Variants in ZNF334 observed in about 807,000 individuals in gnomAD.
The protein encoded by ZNF334 is zinc finger protein 334.
In ZNF334, 14 loss-of-function variants were observed where a neutral mutation model predicts 12.4. The observed-to-expected ratio is 1.13, with a 90% CI of 0.74 to 1.76. The LOEUF is 1.76. ZNF334 is among the 40% of genes most tolerant of loss of function. ZNF334 has a pLI of 0.00. For missense variants in ZNF334, 797 were observed against 804.5 expected, an observed-to-expected ratio of 0.99 and a Z score of 0.11; for synonymous variants, 273 against 269.6, an observed-to-expected ratio of 1.01 and a Z score of -0.12.
At chr20:46,503,234 C>CA in intron 4 of ZNF334, 137 bp from the exon 5 acceptor site, 1 of 1,032,014 alleles carries the variant, frequency 9.7e-7, no homozygotes, top group Non-Finnish European at 1.3e-6. Context: ...ATTTCAAGTG[C>CA]AAATATCTCT....
chr20:46,463,578 C>T, the ZNF334 span: 8 of 164,142 alleles, frequency 4.9e-5, no homozygotes, highest in East Asian at 1.6e-4. Flanking sequence ...TCAAAATGAG[C>T]GTGCAAAGTC....
chr20:46,510,154 T>G (rs1026594183), intron 2 of ZNF334, among the ~76,000 whole-genome samples: 4 of 152,226 alleles, frequency 2.6e-5, no homozygotes, highest in Non-Finnish European at 5.9e-5. Context: ...ACTTGTATTC[T>G]GCAAGTGGCG....
rs1446518911 is a variant in ZNF334 at position 46,501,995 on chromosome 20, G to A, written c.1344C>T (p.Leu448=). The part of the protein sequence containing the change: ...CGKFLCTKSA[L]IAHQITHRGK... ...CTCTATGAGTTATCTGATGTGCAAT[G>A]AGGGCTGATTTCGTACATAAAAATT... Residue 448 remains leucine (L), a synonymous_variant, in exon 5 of 5, where the codon CTC becomes CTT. Coordinates refer to ENST00000692313, the MANE Select transcript of ZNF334 (RefSeq NM_001353824.2). The A allele has an allele frequency of 1.2e-6, 2 of 1,613,994 alleles. No homozygotes were observed. Among genetic ancestry groups the A allele is most frequent in the East Asian group, 2.2e-5 (1 of 44,888 alleles).
At chr20:46,495,804 T>TTCTA (rs1258008894), downstream of ZNF334, among the ~76,000 whole-genome samples, 4 of 152,266 alleles carry the variant, frequency 2.6e-5, no homozygotes, top group East Asian at 7.7e-4. Flanking sequence ...TCTCCCGACC[T>TTCTA]TCATAAGTCT....
chr20:46,506,417 G>C, intron 2 of ZNF334: 1 of 481,290 alleles, frequency 2.1e-6, no homozygotes, highest in Non-Finnish European at 3.7e-6. Context: ...CTGGAGCTCA[G>C]AAGCTCAAGA....
At chr20:46,494,254 G>C in the ZNF334 span, among the ~76,000 whole-genome samples, 10 of 152,314 alleles carry the variant, frequency 6.6e-5, no homozygotes, top group Middle Eastern at 6.8e-3. Flanking sequence ...GTTTAGCCAA[G>C]TGGGATGGGC....
At chr20:46,507,454 T>G (rs1400607854) in intron 2 of ZNF334, among the ~76,000 whole-genome samples, 6 of 152,200 alleles carry the variant, frequency 3.9e-5, no homozygotes, top group Non-Finnish European at 8.8e-5. Context: ...ATAAGCAGAA[T>G]TTGAATACGA....
chr20:46,508,407 C>G (rs2061515214), intron 2 of ZNF334, among the ~76,000 whole-genome samples: 1 of 152,192 alleles, frequency 6.6e-6, no homozygotes, highest in African/African-American at 2.4e-5. Context: ...AACACATAGT[C>G]TGTGGACAAA....
the ZNF334 span, among the ~76,000 whole-genome samples, chr20:46,488,419 TTATA>T: frequency 3.9e-5 from 4 of 102,234 alleles, no homozygotes; most frequent in South Asian, 8.5e-4. Flanking sequence ...AGCTCTTATT[TTATA>T]TATATATATA....
rs1171598539 is a variant in ZNF334 at position 46,499,833 on chromosome 20, T to A, written c.*1463A>T. 3 of 152,184 alleles carry A rather than the reference T, an allele frequency of 2.0e-5. No homozygotes were observed. Among genetic ancestry groups the A allele is most frequent in the Non-Finnish European group, 4.4e-5 (3 of 68,046 alleles). 9.4% of individuals were successfully genotyped at this position (152,184 alleles called of 1,614,324 possible). A position where few individuals can be genotyped will look rare whatever the true frequency, so the allele number is the denominator to read the frequency against. On this transcript the variant is annotated 3_prime_UTR_variant, in exon 5 of 5. Transcript: ENST00000692313. ...CATGTATATGTGTGTATACATACAT[T>A]TATCTGTCCTGAAGGACATAAAAAC...
At chr20:46,464,080 G>A in the ZNF334 span, 25 of 617,320 alleles carry the variant, frequency 4.0e-5, no homozygotes, top group Non-Finnish European at 6.9e-5. Context: ...AATGAGCTCC[G>A]AGAAGTGGTT....
intron 2 of ZNF334, 143 bp downstream of exon 2, chr20:46,511,939 G>A: frequency 2.7e-6 from 2 of 743,578 alleles, no homozygotes; most frequent in Non-Finnish European, 2.3e-6. Context: ...TATGATTTCT[G>A]TATATCTATG....
the ZNF334 span, among the ~76,000 whole-genome samples, chr20:46,482,340 G>A: frequency 1.3e-5 from 2 of 152,166 alleles, no homozygotes; most frequent in East Asian, 3.8e-4. Flanking sequence ...TTCCATTAGA[G>A]GACAGGCTGA....
chr20:46,502,340 C>T lies in ZNF334; in HGVS notation c.999G>A (p.Lys333=), dbSNP rs1408764978. 1 of 1,613,504 alleles carries T rather than the reference C, an allele frequency of 6.2e-7. No homozygotes were observed. Among genetic ancestry groups the T allele is most frequent in the African/African-American group, 1.3e-5 (1 of 74,860 alleles). ...CNECGKTFFR[K]SALAEHFRSH... is the part of the protein sequence containing the mutation. ...ACCTGAAATGTTCAGCCAGGGCTGA[C>T]TTCCGAAAAAAGGTCTTTCCACATT... is the stretch of plus-strand genomic sequence containing the variant. Residue 333 remains lysine (K), a synonymous_variant, in exon 5 of 5, where the codon AAG becomes AAA. Transcript: ENST00000692313.
chr20:46,501,780 C>T lies in ZNF334; in HGVS notation c.1559G>A (p.Ser520Asn). 6.2e-7 allele frequency: 1 copy of T among 1,614,140 alleles called. No homozygotes were observed. The highest frequency in any genetic ancestry group is 8.5e-7 in the Non-Finnish European group (1 of 1,180,016). Reference protein sequence around the residue: ...MNTKENLYECSEHGHAVSKNS... With the variant: ...MNTKENLYECNEHGHAVSKNS... Reference sequence around the variant, plus strand: ...TTTGCTGACGGCATGCCCATGTTCACTACACTCATAAAGATTCTCCTTTGT... The same window carrying T: ...TTTGCTGACGGCATGCCCATGTTCATTACACTCATAAAGATTCTCCTTTGT... The change falls in exon 5 of 5, where the codon AGT becomes AAT. Residue 520 changes from serine (S) to asparagine (N), a missense_variant. Physicochemically the swap from Ser to Asn is conservative, Grantham distance 46. Coordinates refer to ENST00000692313, the MANE Select transcript of ZNF334 (RefSeq NM_001353824.2).
rs138013920 is a variant in ZNF334 at position 46,501,578 on chromosome 20, A to G, written c.1761T>C (p.Phe587=). The G allele has an allele frequency of 5.9e-5, 96 of 1,614,006 alleles. No individual in the cohort carries two copies. In the African/African-American group the frequency reaches 9.7e-4, roughly 16 times the overall value. ...CAGTGTGAGTTCGCTGATGTTCAACAAAGGAGAACTTCTGACAGAAGGTTT... is the reference window on the plus strand; with the variant it reads ...CAGTGTGAGTTCGCTGATGTTCAACGAAGGAGAACTTCTGACAGAAGGTTT... ...CGKTFCQKFS[F]VEHQRTHTGE... is the part of the protein sequence containing the mutation. The change falls in exon 5 of 5, where the codon TTT becomes TTC. Residue 587 remains phenylalanine (F), a synonymous_variant. Coordinates refer to ENST00000692313, the MANE Select transcript of ZNF334 (RefSeq NM_001353824.2).
the ZNF334 span, chr20:46,463,993 A>C: frequency 3.2e-6 from 2 of 627,010 alleles, no homozygotes; most frequent in South Asian, 1.4e-5. Flanking sequence ...CAAAAGCATA[A>C]GCAACATCTC....
At chr20:46,463,384 G>A in the ZNF334 span, among the ~76,000 whole-genome samples, 1 of 152,238 alleles carries the variant, frequency 6.6e-6, no homozygotes. Context: ...GTTGGACAGG[G>A]TGGGAATTAC....
In ZNF334 at chr20:46,501,373, A is replaced by G. The variant is rs1418213399; in HGVS notation, c.1966T>C (p.Tyr656His). 3.1e-6 allele frequency: 5 copies of G among 1,614,138 alleles called. No individual in the cohort carries two copies. Among genetic ancestry groups the G allele is most frequent in the Non-Finnish European group, 4.2e-6 (5 of 1,179,986 alleles). ...GTTTTCTCACATTTGTTACATTCATAAGGTTTCTCTCCTGTGTGTATTTTC... is the reference window on the plus strand; with the variant it reads ...GTTTTCTCACATTTGTTACATTCATGAGGTTTCTCTCCTGTGTGTATTTTC... Reference protein sequence around the residue: ...HQKIHTGEKPYECNKCEKTFR... With the variant: ...HQKIHTGEKPHECNKCEKTFR... The change falls in exon 5 of 5, where the codon TAT (tyrosine) becomes CAT (histidine). Residue 656 changes from tyrosine to histidine, a missense_variant. Coordinates refer to ENST00000692313, the MANE Select transcript of ZNF334 (RefSeq NM_001353824.2).
Sources: gnomAD v4.1 joint callset for allele counts (sites outside exome capture counted in the v4.1 genomes callset) on GRCh38, gnomAD v4.1.1 for gene constraint, MANE v1.5 for transcripts, NCBI Gene and HGNC (gene_info 2026-07-23, HGNC 2026-07-21) for gene names.